The following ERCC6L2 variants were observed in gnomAD, a reference collection of about 807,000 sequenced individuals.
The protein encoded by ERCC6L2 is DNA excision repair protein ERCC-6-like 2.
Under a neutral mutation model 132.0 loss-of-function variants are expected in ERCC6L2, and 77 were observed. The observed-to-expected ratio is 0.58, with a 90% confidence interval of 0.49 to 0.71. The LOEUF (loss-of-function observed/expected upper bound fraction) is 0.71, where lower values mean the gene tolerates loss of function less well. Among genes scored for constraint, ERCC6L2 ranks in the 30% least tolerant of loss-of-function variants. The pLI is 0.00. For synonymous variants in ERCC6L2, 583 were observed against 632.4 expected (o/e 0.92, Z 1.17); for missense variants, 1,542 against 1,837.6 (o/e 0.84, Z 2.94).
At chr9:96,011,913 A>G (rs1345392952) in intron 18 of ERCC6L2, among the ~76,000 whole-genome samples, 1 of 152,228 alleles carries the variant, frequency 6.6e-6, no homozygotes. Flanking sequence ...CATGTCAGTC[A>G]TAAATTGGCT....
Position 95,896,671 on chromosome 9 carries a change from G to A in ERCC6L2, c.472-1178G>A, listed in dbSNP as rs533071240. ...ATTCCTGGGCTAAAATGATCCTCCC[G>A]TCTTAGCCTCCCAAAGTGCTGGGAT... On this transcript the variant is annotated intron_variant, in intron 2 of 18. Transcript: ENST00000653738. 2.3e-4 allele frequency among the ~76,000 whole-genome samples: 35 copies of A among 152,140 alleles called. 1 individual carries two copies. The highest frequency in any genetic ancestry group is 7.2e-4 in the Admixed American group (11 of 15,288).
chr9:95,987,527 G>C (rs1833140541), intron 17 of ERCC6L2, among the ~76,000 whole-genome samples: 1 of 152,142 alleles, frequency 6.6e-6, no homozygotes, highest in Non-Finnish European at 1.5e-5. Flanking sequence ...TGGACTTCAT[G>C]TCCCAACATC....
intron 17 of ERCC6L2, among the ~76,000 whole-genome samples, chr9:95,999,360 C>CAA (rs71368220): frequency 1.3e-3 from 186 of 144,716 alleles, no homozygotes; most frequent in South Asian, 1.3e-3. Flanking sequence ...GACTCTGTCT[C>CAA]AAAAAAAAAA....
chr9:95,925,844 A>G (rs1243442229), intron 9 of ERCC6L2, among the ~76,000 whole-genome samples: 1 of 152,204 alleles, frequency 6.6e-6, no homozygotes, highest in African/African-American at 2.4e-5. Context: ...CAAAACAATA[A>G]AGGACTGGTT....
At chr9:95,955,827 G>A (rs1831571659) in intron 12 of ERCC6L2, 87 bp from the exon 13 acceptor site, 1 of 611,080 alleles carries the variant, frequency 1.6e-6, no homozygotes, top group South Asian at 2.6e-5. Flanking sequence ...AAAATTTAAT[G>A]ATTTTCCATT....
At chr9:95,925,502 A>G (rs1830061582) in intron 9 of ERCC6L2, among the ~76,000 whole-genome samples, 1 of 152,150 alleles carries the variant, frequency 6.6e-6, no homozygotes, top group South Asian at 2.1e-4. Flanking sequence ...GTGGAGGACA[A>G]CTGAGTGATA....
In ERCC6L2 at chr9:95,880,922, C is replaced by T; in HGVS notation, c.100C>T (p.Leu34Phe). 6.2e-7 allele frequency: 1 copy of T among 1,613,650 alleles called. No homozygotes were observed. The highest frequency in any genetic ancestry group is 1.1e-5 in the South Asian group (1 of 91,006). Residue 34 changes from leucine (L) to phenylalanine (F), a missense_variant, in exon 2 of 19, where the codon CTT becomes TTT. This residue lies in a region of ERCC6L2 where 153 missense variants were observed against 132.3 expected (regional missense o/e 1.16). Transcript: ENST00000653738. ...TGCCCCTTCTCCAGATAATGGAAAACTTTGTGAAGCAAGCATAAAATCTAT... is the reference window on the plus strand; with the variant it reads ...TGCCCCTTCTCCAGATAATGGAAAATTTTGTGAAGCAAGCATAAAATCTAT... ...CLAPSPDNGK[L>F]CEASIKSITV...
chr9:95,895,316 CT>C lies in ERCC6L2; in HGVS notation c.472-2527del, dbSNP rs1316100000. ...TATTTTCTTATTAGAATTTTTATCC[CT>C]TTTTTAAGAAGTTTTTCTTGTAAAT... On this transcript the variant is annotated intron_variant, in intron 2 of 18. Transcript: ENST00000653738. 2.6e-5 allele frequency among the ~76,000 whole-genome samples: 4 copies of C among 151,912 alleles called. No homozygotes were observed. The East Asian group carries it at 7.7e-4, about 29-fold the overall frequency.
At chr9:95,914,310 C>T (rs1829476229) in intron 4 of ERCC6L2, among the ~76,000 whole-genome samples, 1 of 151,848 alleles carries the variant, frequency 6.6e-6, no homozygotes, top group East Asian at 1.9e-4. Context: ...CTATTAGAAT[C>T]TTTTGCTCAT....
At chr9:95,974,699 T>C (rs1357295178) in intron 16 of ERCC6L2, among the ~76,000 whole-genome samples, 1 of 151,544 alleles carries the variant, frequency 6.6e-6, no homozygotes, top group African/African-American at 2.4e-5. Context: ...GTTATTATTT[T>C]TGGGCCTTTT....
chr9:95,876,057 C>A lies in ERCC6L2; in HGVS notation c.19C>A (p.Gln7Lys). 1.3e-6 allele frequency: 2 copies of A among 1,585,682 alleles called. No homozygotes were observed. Among genetic ancestry groups the A allele is most frequent in the South Asian group, 2.3e-5 (2 of 86,942 alleles). Residue 7 changes from glutamine (Q) to lysine (K), a missense_variant, in exon 1 of 19, where the codon CAG (glutamine) becomes AAG (lysine). Physicochemically the swap from Gln to Lys is moderately conservative, Grantham distance 53 (BLOSUM62 1). This residue lies in a region of ERCC6L2 where 153 missense variants were observed against 132.3 expected (regional missense o/e 1.16). Coordinates refer to ENST00000653738, the MANE Select transcript of ERCC6L2 (RefSeq NM_020207.7). ...TGGCCGGATGGATCCGTCGGCGCCA[C>A]AGCCCCGCGCGGAAACCTCAGGCAA... MDPSAPQPRAETSGKDI... is the reference protein window; with the variant it reads MDPSAPKPRAETSGKDI...
intron 19 of ERCC6L2, among the ~76,000 whole-genome samples, chr9:96,023,475 C>G (rs1285886554): frequency 3.9e-5 from 6 of 152,206 alleles, no homozygotes; most frequent in African/African-American, 1.2e-4. Flanking sequence ...GGGGCAAGCA[C>G]TGTCATCCCT....
At chr9:95,968,475 G>C (rs1304344400) in intron 14 of ERCC6L2, 2 of 152,124 alleles carry the variant, frequency 1.3e-5, no homozygotes, top group East Asian at 3.8e-4. Context: ...GATTCATGCT[G>C]CTTTGGGCCA....
chr9:95,928,172 C>G, intron 10 of ERCC6L2, 22 bp downstream of exon 10: 1 of 1,540,998 alleles, frequency 6.5e-7, no homozygotes, highest in Non-Finnish European at 9.0e-7. Flanking sequence ...TAAAGTATAT[C>G]CTTGATTGGC....
intron 2 of ERCC6L2, among the ~76,000 whole-genome samples, chr9:95,883,969 A>G (rs1827733403): frequency 6.6e-6 from 1 of 152,234 alleles, no homozygotes; most frequent in Admixed American, 6.5e-5. Context: ...CGCACATTTT[A>G]GTCTCAAATT....
chr9:96,032,442 G>A (rs575574786), intron 19 of ERCC6L2, among the ~76,000 whole-genome samples: 1 of 152,298 alleles, frequency 6.6e-6, no homozygotes, highest in African/African-American at 2.4e-5. Flanking sequence ...TTAGGAACTC[G>A]GCATGAATTG....
rs1250355320 is a variant in ERCC6L2 at position 96,004,561 on chromosome 9, A to G, written c.3534A>G (p.Thr1178=). ...EKVDADTLPH[T]KKGQQPSEGS... ...TGGATGCAGATACATTGCCACACAC[A>G]AAGAAAGGCCAGCAACCGAGTGAAG... Residue 1178 remains threonine (T), a synonymous_variant, in exon 18 of 19, where the codon ACA becomes ACG. Coordinates refer to ENST00000653738, the MANE Select transcript of ERCC6L2 (RefSeq NM_020207.7). 2 of 1,309,506 alleles carry G rather than the reference A, an allele frequency of 1.5e-6. No homozygotes were observed. The highest frequency in any genetic ancestry group is 2.0e-6 in the Non-Finnish European group (2 of 990,856). 81.1% of individuals were successfully genotyped at this position (1,309,506 alleles called of 1,614,324 possible).
intron 12 of ERCC6L2, among the ~76,000 whole-genome samples, chr9:95,950,949 AT>A (rs888323322): frequency 3.3e-5 from 5 of 152,202 alleles, no homozygotes; most frequent in Non-Finnish European, 7.4e-5. Context: ...TAAGGAGAGG[AT>A]TTGAACAGCA....
chr9:95,933,530 C>A (rs1830430786), intron 11 of ERCC6L2, among the ~76,000 whole-genome samples: 1 of 152,068 alleles, frequency 6.6e-6, no homozygotes, highest in South Asian at 2.1e-4. Flanking sequence ...CCTGAAAAAT[C>A]AGGATATTTT....
Sources: gnomAD v4.1 joint callset for allele counts (sites outside exome capture counted in the v4.1 genomes callset) on GRCh38, gnomAD v4.1.1 for gene constraint, gnomAD v4.1.1 regional missense constraint, MANE v1.5 for transcripts, NCBI Gene and HGNC (gene_info 2026-07-23, HGNC 2026-07-21) for gene names.